AKAP12: variants seen among roughly 807,000 people sequenced by gnomAD.
AKAP12 encodes A-kinase anchor protein 12.
Under a neutral mutation model 79.9 loss-of-function variants are expected in AKAP12, and 32 were observed. The observed-to-expected ratio is 0.40, with a 90% CI of 0.30 to 0.54. The LOEUF (loss-of-function observed/expected upper bound fraction) is 0.54, where lower values mean the gene tolerates loss of function less well. Ranked by LOEUF, AKAP12 falls within the 20% of genes least tolerant of loss-of-function variation. AKAP12 has a pLI of 0.48. For missense variants in AKAP12, 2,074 were observed against 2,177.0 expected, an observed-to-expected ratio of 0.95 and a Z score of 0.94; for synonymous variants, 808 against 857.0, an observed-to-expected ratio of 0.94 and a Z score of 1.00.
intron 3 of AKAP12, among the ~76,000 whole-genome samples, chr6:151,308,103 GACCTCA>G (rs1408151318): frequency 1.3e-5 from 2 of 152,078 alleles, no homozygotes; most frequent in African/African-American, 4.8e-5. Context: ...TCGAACTTCT[GACCTCA>G]AGTGATATGC....
intron 2 of AKAP12, among the ~76,000 whole-genome samples, chr6:151,273,545 C>T (rs1776232613): frequency 6.6e-6 from 1 of 152,160 alleles, no homozygotes; most frequent in Non-Finnish European, 1.5e-5. Context: ...TTTCCTTTTA[C>T]CCTCATCTCT....
chr6:151,324,593 C>T, intron 3 of AKAP12: 4 of 985,380 alleles, frequency 4.1e-6, no homozygotes, highest in Non-Finnish European at 4.8e-6. Context: ...GATCTTCATT[C>T]TCTGAAGAGA....
chr6:151,244,245 C>T (rs1014279582), intron 2 of AKAP12, among the ~76,000 whole-genome samples: 3 of 152,156 alleles, frequency 2.0e-5, no homozygotes, highest in Non-Finnish European at 4.4e-5. Context: ...AGACAATTGG[C>T]CGGGTGCGGT....
chr6:151,250,473 C>T (rs1306302744), intron 2 of AKAP12, among the ~76,000 whole-genome samples: 2 of 151,496 alleles, frequency 1.3e-5, no homozygotes, highest in South Asian at 2.1e-4. Context: ...GCACTCCAGC[C>T]TGGGTGACAG....
Position 151,259,995 on chromosome 6 carries a change from G to A in AKAP12, c.162+19271G>A, listed in dbSNP as rs1582838950. On this transcript the variant is annotated intron_variant, in intron 2 of 4. Coordinates refer to ENST00000402676, the MANE Select transcript of AKAP12 (RefSeq NM_005100.4). Reference sequence around the variant, plus strand: ...TTGGGGCATTCCACCTGTGTCTGAGGGTTCCTAACACAGTTGTTTTACTGT... The same window carrying A: ...TTGGGGCATTCCACCTGTGTCTGAGAGTTCCTAACACAGTTGTTTTACTGT... Among the ~76,000 whole-genome samples the A allele has an allele frequency of 2.0e-5, 3 of 152,122 alleles. No homozygotes were observed. In the East Asian group the frequency reaches 5.8e-4, roughly 29 times the overall value.
chr6:151,295,973 C>G (rs112991116), intron 2 of AKAP12, among the ~76,000 whole-genome samples: 2 of 152,154 alleles, frequency 1.3e-5, no homozygotes, highest in East Asian at 3.8e-4. Flanking sequence ...TGTCACCAAG[C>G]AGTAAGGGAA....
At chr6:151,301,154 C>T (rs1776856738) in intron 2 of AKAP12, among the ~76,000 whole-genome samples, 1 of 152,198 alleles carries the variant, frequency 6.6e-6, no homozygotes, top group African/African-American at 2.4e-5. Flanking sequence ...TCCACCGCCT[C>T]CTGTCCCATG....
intron 2 of AKAP12, among the ~76,000 whole-genome samples, chr6:151,265,031 A>G (rs1466390832): frequency 6.6e-6 from 1 of 151,952 alleles, no homozygotes; most frequent in Non-Finnish European, 1.5e-5. Context: ...GGTGCCTATA[A>G]TCCCAGCTAC....
rs778349606 is a variant in AKAP12 at position 151,305,886 on chromosome 6, A to C, written c.302A>C (p.Glu101Ala). 1.2e-6 allele frequency: 2 copies of C among 1,611,750 alleles called. No homozygotes were observed. Among genetic ancestry groups the C allele is most frequent in the African/African-American group, 2.7e-5 (2 of 74,848 alleles). Residue 101 changes from glutamate to alanine, a missense_variant, in exon 3 of 5, where the codon GAA becomes GCA. This residue lies in a region of AKAP12 where 1,428 missense variants were observed against 1,451.0 expected (regional missense o/e 0.98). Transcript: ENST00000402676. ...QGALNSQEEE[E>A]VIVTEVGQRD... ...GCCCTAAACAGCCAGGAGGAAGAAG[A>C]AGTCATTGTCACAGAGGGTAAGCCG...
In AKAP12 at chr6:151,351,237, C is replaced by T. The variant is rs766910226; in HGVS notation, c.2846C>T (p.Thr949Met). Residue 949 changes from threonine (T) to methionine (M), a missense_variant, in exon 4 of 5, where the codon ACG becomes ATG. Coordinates refer to ENST00000402676, the MANE Select transcript of AKAP12 (RefSeq NM_005100.4). The surrounding 1 kb of genome is among the most constrained non-coding windows in gnomAD (Gnocchi z 4.4). ...GTAATTGCAGAAGAAGAACCCCCCA[C>T]GGTTACTGAACCTCTGCCAGAGAAC... Reference protein sequence around the residue: ...REVIAEEEPPTVTEPLPENRE... With the variant: ...REVIAEEEPPMVTEPLPENRE... The T allele has an allele frequency of 1.4e-5, 22 of 1,614,108 alleles. 1 individual carries two copies. The highest frequency in any genetic ancestry group is 3.3e-5 in the Admixed American group (2 of 60,012).
intron 3 of AKAP12, among the ~76,000 whole-genome samples, chr6:151,323,025 C>T (rs1777436089): frequency 6.6e-6 from 1 of 152,182 alleles, no homozygotes. Context: ...AAAAGAAAGT[C>T]TCCTGCATTG....
At chr6:151,264,979 T>G (rs992126353) in intron 2 of AKAP12, among the ~76,000 whole-genome samples, 1 of 151,974 alleles carries the variant, frequency 6.6e-6, no homozygotes, top group East Asian at 1.9e-4. Context: ...GGTGAAACCC[T>G]TTCTTGACAA....
intron 2 of AKAP12, among the ~76,000 whole-genome samples, chr6:151,271,149 T>G (rs6924432): frequency 0.44 from 66,094 of 151,848 alleles, 15,247 homozygotes; most frequent in African/African-American, 0.57. Context: ...GGTCAGAATC[T>G]TTTTGCCATC....
chr6:151,272,097 T>TG (rs1776195106), intron 2 of AKAP12, among the ~76,000 whole-genome samples: 2 of 152,068 alleles, frequency 1.3e-5, no homozygotes, highest in African/African-American at 2.4e-5. Flanking sequence ...CCCTGCGCTG[T>TG]GGGAGGCTGA....
chr6:151,268,810 A>G (rs534148481), intron 2 of AKAP12, among the ~76,000 whole-genome samples: 15 of 151,832 alleles, frequency 9.9e-5, no homozygotes, highest in Non-Finnish European at 1.6e-4. Context: ...TGCCCAGCTA[A>G]TTTTTGTATT....
intron 2 of AKAP12, among the ~76,000 whole-genome samples, chr6:151,277,668 T>A (rs1009762169): frequency 4.6e-5 from 7 of 152,228 alleles, no homozygotes; most frequent in African/African-American, 1.4e-4. Context: ...TCTTTGGTAA[T>A]CTTTTATTTT....
At position 151,348,811 on chromosome 6, in the gene AKAP12, G is replaced by A; in HGVS notation, c.420G>A (p.Glu140=). ...VVHDITDDGQ[E]ETPEIIEQIP... is the part of the protein sequence containing the mutation. ...ACGACATCACAGATGATGGGCAGGA[G>A]GAGACACCCGAAATAATCGAACAGA... The change falls in exon 4 of 5, where the codon GAG becomes GAA. Residue 140 remains glutamate (E), a synonymous_variant. Coordinates refer to ENST00000402676, the MANE Select transcript of AKAP12 (RefSeq NM_005100.4). 6.2e-7 allele frequency: 1 copy of A among 1,614,022 alleles called. No individual in the cohort carries two copies.
At chr6:151,294,083 C>T (rs926038860) in intron 2 of AKAP12, among the ~76,000 whole-genome samples, 2 of 152,042 alleles carry the variant, frequency 1.3e-5, no homozygotes, top group Non-Finnish European at 2.9e-5. Flanking sequence ...AAGCAATTCT[C>T]CTGCCTCAGC....
chr6:151,272,439 T>A (rs1455211940), intron 2 of AKAP12, among the ~76,000 whole-genome samples: 3 of 151,816 alleles, frequency 2.0e-5, no homozygotes, highest in Admixed American at 6.6e-5. Context: ...ACTAGAATAC[T>A]CCCTTTGCCT....
Sources: allele counts gnomAD v4.1 joint callset (sites outside exome capture counted in the v4.1 genomes callset), GRCh38; gene constraint gnomAD v4.1.1; regional missense constraint gnomAD v4.1.1; non-coding constraint Gnocchi (gnomAD v3.1); transcripts MANE v1.5; gene names NCBI Gene and HGNC (gene_info 2026-07-23, HGNC 2026-07-21).